Variants in SEMA6B observed in about 807,000 individuals in gnomAD.
The protein encoded by SEMA6B is semaphorin 6B, also known as semaphorin-6B.
A neutral mutation model predicts 78.6 loss-of-function variants in SEMA6B; 47 were observed. That is an observed-to-expected ratio of 0.60 (90% CI 0.47 to 0.76). The LOEUF (loss-of-function observed/expected upper bound fraction) is 0.76. Ranked by LOEUF, SEMA6B falls within the 30% of genes least tolerant of loss-of-function variation. SEMA6B has a pLI of 0.00. For synonymous variants in SEMA6B, 632 were observed against 592.2 expected, an observed-to-expected ratio of 1.07 and a Z score of -0.98; for missense variants, 1,213 against 1,269.9, an observed-to-expected ratio of 0.96 and a Z score of 0.68.
rs1042020431 is a variant in SEMA6B, at chr19:4,558,883, G to A, written c.-32-394C>T. On this transcript the variant is annotated intron_variant, in intron 1 of 16. Transcript: ENST00000586582. The surrounding 1 kb of genome is among the most constrained non-coding windows in gnomAD (Gnocchi z 5.1). Reference sequence around the variant, plus strand: ...AAGGCTAAAAAAAAAAAGAGTCAAAGGCTCTTGGAATTTTATAAGCCACAA... The same window carrying A: ...AAGGCTAAAAAAAAAAAGAGTCAAAAGCTCTTGGAATTTTATAAGCCACAA... Among the ~76,000 whole-genome samples, 1 of 151,410 alleles carries A rather than the reference G, an allele frequency of 6.6e-6. No individual in the cohort carries two copies. The highest frequency in any genetic ancestry group is 1.5e-5 in the Non-Finnish European group (1 of 67,898).
In SEMA6B at chr19:4,543,059, C is replaced by CCACAGCAGCCTTCGCTGGCACGCA. The variant is rs1162020293; in HGVS notation, c.*518_*541dup. On this transcript the variant is annotated 3_prime_UTR_variant, in exon 17 of 17. Coordinates refer to ENST00000586582, the MANE Select transcript of SEMA6B (RefSeq NM_032108.4). Reference sequence around the variant, plus strand: ...CGCGTGGCCCACTTGACACACACGCCCACAGCAGCCTTCGCTGGCACGCAC... The same window carrying CCACAGCAGCCTTCGCTGGCACGCA: ...CGCGTGGCCCACTTGACACACACGCCCACAGCAGCCTTCGCTGGCACGCACACAGCAGCCTTCGCTGGCACGCAC... The CCACAGCAGCCTTCGCTGGCACGCA allele has an allele frequency of 6.1e-6, 4 of 652,462 alleles. No individual in the cohort carries two copies. The highest frequency in any genetic ancestry group is 1.1e-5 in the Non-Finnish European group (4 of 357,732). 40.4% of individuals were successfully genotyped at this position (652,462 alleles called of 1,614,324 possible).
chr19:4,549,548 G>T (rs1568254460), intron 12 of SEMA6B, among the ~76,000 whole-genome samples: 1 of 152,060 alleles, frequency 6.6e-6, no homozygotes, highest in Non-Finnish European at 1.5e-5. Context: ...GCGTGATCTT[G>T]GCTCACTGCA....
chr19:4,552,250 T>A lies in SEMA6B; in HGVS notation c.989+172A>T, dbSNP rs955776801. ...TTGGCCCAGTTCTGACCAAAGGGAC[T>A]TAGAGGGTCAGTGTCAGCTTGTCCC... On this transcript the variant is annotated intron_variant, in intron 10 of 16. Coordinates refer to ENST00000586582, the MANE Select transcript of SEMA6B (RefSeq NM_032108.4). This position sits in a 1 kb window ranked among gnomAD's most constrained non-coding sequence, Gnocchi z 7.4. 2.6e-5 allele frequency among the ~76,000 whole-genome samples: 4 copies of A among 152,166 alleles called. No homozygotes were observed.
In SEMA6B at chr19:4,558,039, A is replaced by T. The variant is rs1977519127; in HGVS notation, c.232T>A (p.Phe78Ile). The change falls in exon 3 of 17, where the codon TTC becomes ATC. Residue 78 changes from phenylalanine (F) to isoleucine (I), a missense_variant. By Grantham distance (21) the Phe-to-Ile change is conservative. Coordinates refer to ENST00000586582, the MANE Select transcript of SEMA6B (RefSeq NM_032108.4). This position sits in a 1 kb window ranked among gnomAD's most constrained non-coding sequence, Gnocchi z 5.1. ...QRVLRVNRTL[F>I]IGDRDNLYRV... ...CCCCAGCAATACCTGTCCCCAATGA[A>T]CAGCGTCCTGTTGACCCGCAGGACT... The T allele has an allele frequency of 6.8e-7, 1 of 1,475,108 alleles. No homozygotes were observed. Among genetic ancestry groups the T allele is most frequent in the African/African-American group, 1.4e-5 (1 of 69,992 alleles). The allele number at this position is 1,475,108 out of a possible 1,614,324, so 91.4% of individuals were successfully genotyped here.
At position 4,550,723 on chromosome 19, in the gene SEMA6B, C is replaced by G. The variant is rs1977306238; in HGVS notation, c.1121+76G>C. The stretch of plus-strand genomic sequence containing the variant: ...AACTCAGCATCAGCTAAATAACCAC[C>G]CGGAAGCCCCAGCCCTCGGCCCTGG... On this transcript the variant is annotated intron_variant, in intron 11 of 16. Transcript: ENST00000586582. The surrounding 1 kb of genome is among the most constrained non-coding windows in gnomAD (Gnocchi z 6.6). 1.3e-6 allele frequency: 2 copies of G among 1,556,004 alleles called. No homozygotes were observed. Among genetic ancestry groups the G allele is most frequent in the East Asian group, 4.5e-5 (2 of 44,378 alleles).
chr19:4,555,694 T>A lies in SEMA6B; in HGVS notation c.472-130A>T. 2 of 775,164 alleles carry A rather than the reference T, an allele frequency of 2.6e-6. No individual in the cohort carries two copies. The highest frequency in any genetic ancestry group is 4.3e-6 in the Non-Finnish European group (2 of 466,452). 48.0% of individuals were successfully genotyped at this position (775,164 alleles called of 1,614,324 possible). Reference sequence around the variant, plus strand: ...TACTGTGTGACCTTGGCCACTCACTTAACCTCTCAGGGCCTCAGTTTACTG... The same window carrying A: ...TACTGTGTGACCTTGGCCACTCACTAAACCTCTCAGGGCCTCAGTTTACTG... On this transcript the variant is annotated intron_variant, in intron 6 of 16. Transcript: ENST00000586582. This position sits in a 1 kb window ranked among gnomAD's most constrained non-coding sequence, Gnocchi z 6.1.
chr19:4,544,643 AT>A lies in SEMA6B; in HGVS notation c.1739-115del. ...TTATTATTTTTATTTTTTTTTATTT[AT>A]TTATTTTTTGAGAAGGAGTCTTCCT... On this transcript the variant is annotated intron_variant, in intron 16 of 16. Coordinates refer to ENST00000586582, the MANE Select transcript of SEMA6B (RefSeq NM_032108.4). The surrounding 1 kb of genome is among the most constrained non-coding windows in gnomAD (Gnocchi z 5.1). 1 of 573,808 alleles carries A rather than the reference AT, an allele frequency of 1.7e-6. No individual in the cohort carries two copies. The highest frequency in any genetic ancestry group is 2.6e-6 in the Non-Finnish European group (1 of 385,036). The allele number at this position is 573,808 out of a possible 1,614,324, so 35.5% of individuals were successfully genotyped here.
rs1265377901 is a variant in SEMA6B at position 4,542,658 on chromosome 19, G to GGACC, written c.*939_*942dup. 8 of 606,848 alleles carry GGACC rather than the reference G, an allele frequency of 1.3e-5. No individual in the cohort carries two copies. Among genetic ancestry groups the GGACC allele is most frequent in the Middle Eastern group, 4.2e-4 (1 of 2,372 alleles). The allele number at this position is 606,848 out of a possible 1,614,324, so 37.6% of individuals were successfully genotyped here. On this transcript the variant is annotated 3_prime_UTR_variant, in exon 17 of 17. Coordinates refer to ENST00000586582, the MANE Select transcript of SEMA6B (RefSeq NM_032108.4). ...GGAGGCAAACTCCAGAGAGGGCAGAGGACCCAGCCAGCCACGTGGCATGCA... is the reference window on the plus strand; with the variant it reads ...GGAGGCAAACTCCAGAGAGGGCAGAGGACCGACCCAGCCAGCCACGTGGCATGCA...
Position 4,544,373 on chromosome 19 carries a change from C to A in SEMA6B, c.1895G>T (p.Arg632Leu), listed in dbSNP as rs1343056239. 3 of 1,584,486 alleles carry A rather than the reference C, an allele frequency of 1.9e-6. No homozygotes were observed. Among genetic ancestry groups the A allele is most frequent in the Admixed American group, 1.7e-5 (1 of 57,530 alleles). ...CAGGATGGCCTCCTTGTCCTTGCGC[C>A]GGGCCAGCTCCCGCCGCTCACGGAG... The part of the protein sequence containing the change: ...VGLRERRELA[R>L]RKDKEAILAH... The change falls in exon 17 of 17, where the codon CGG (arginine) becomes CTG (leucine). Residue 632 changes from arginine to leucine, a missense_variant. Arg to Leu is a moderately radical substitution (Grantham distance 102). Transcript: ENST00000586582. The surrounding 1 kb of genome is among the most constrained non-coding windows in gnomAD (Gnocchi z 5.1).
chr19:4,545,340 C>A (rs868100206), intron 16 of SEMA6B, among the ~76,000 whole-genome samples: 344 of 113,680 alleles, frequency 3.0e-3, no homozygotes, highest in South Asian at 3.0e-3. Flanking sequence ...GACTCTGTCT[C>A]AAAAAAAAAA....
intron 14 of SEMA6B, 98 bp downstream of exon 14, chr19:4,547,929 C>T (rs1977211724): frequency 1.4e-6 from 2 of 1,380,282 alleles, no homozygotes; most frequent in Non-Finnish European, 1.9e-6. Context: ...GCTCAATGAC[C>T]AGGACATCAT....
Position 4,552,466 on chromosome 19 carries a change from C to T in SEMA6B, c.945G>A (p.Gly315=). Residue 315 remains glycine, a synonymous_variant, in exon 10 of 17, where the codon GGG becomes GGA. Transcript: ENST00000586582. This position sits in a 1 kb window ranked among gnomAD's most constrained non-coding sequence, Gnocchi z 7.4. ...LQAVTGVVSL[G]GRPVVLAVFS... ...AAACGGCCAGGACCACGGGCCGGCC[C>T]CCGAGGCTGACCACGCCCGTGACAG... 1 of 1,607,710 alleles carries T rather than the reference C, an allele frequency of 6.2e-7. No individual in the cohort carries two copies. The highest frequency in any genetic ancestry group is 8.5e-7 in the Non-Finnish European group (1 of 1,177,754).
At chr19:4,553,737 TGGGTGGGTGG>T (rs1977397283) in intron 9 of SEMA6B, among the ~76,000 whole-genome samples, 1 of 13,242 alleles carries the variant, frequency 7.6e-5, no homozygotes, top group Non-Finnish European at 1.5e-4. Context: ...GATGGGTGGG[TGGGTGGGTGG>T]GTGTGTTGGT....
rs1977438671 is a variant in SEMA6B at position 4,555,331 on chromosome 19, AC to A, written c.562+142del. The A allele has an allele frequency of 4.8e-6, 4 of 841,270 alleles. No homozygotes were observed. In the East Asian group the frequency reaches 1.1e-4, roughly 22 times the overall value. The allele number at this position is 841,270 out of a possible 1,614,324, so 52.1% of individuals were successfully genotyped here. ...AGCCTCAATCCCAGCTGAGCCCCAA[AC>A]CTGGGCTGAGAGTCTGCCCATGTCA... On this transcript the variant is annotated intron_variant, in intron 7 of 16. Coordinates refer to ENST00000586582, the MANE Select transcript of SEMA6B (RefSeq NM_032108.4). This position sits in a 1 kb window ranked among gnomAD's most constrained non-coding sequence, Gnocchi z 6.1.
Position 4,544,110 on chromosome 19 carries a change from G to A in SEMA6B, c.2158C>T (p.Leu720=), listed in dbSNP as rs1005207959. The A allele has an allele frequency of 3.1e-6, 4 of 1,273,028 alleles. No homozygotes were observed. The highest frequency in any genetic ancestry group is 4.0e-6 in the Non-Finnish European group (4 of 1,010,974). The allele number at this position is 1,273,028 out of a possible 1,614,324, so 78.9% of individuals were successfully genotyped here. ...TGGGGGTGCGGGTGCGGAGTGGGCAGGCGCTTCTGCGGCAGCGGCGTCTGC... is the reference window on the plus strand; with the variant it reads ...TGGGGGTGCGGGTGCGGAGTGGGCAAGCGCTTCTGCGGCAGCGGCGTCTGC... The part of the protein sequence containing the change: ...PEQTPLPQKR[L]PTPHPHPHAL... The change falls in exon 17 of 17, where the codon CTG becomes TTG. Residue 720 remains leucine (L), a synonymous_variant. Coordinates refer to ENST00000586582, the MANE Select transcript of SEMA6B (RefSeq NM_032108.4). This position sits in a 1 kb window ranked among gnomAD's most constrained non-coding sequence, Gnocchi z 5.1.
chr19:4,545,377 C>A (rs1977138521), intron 16 of SEMA6B, among the ~76,000 whole-genome samples: 1 of 151,344 alleles, frequency 6.6e-6, no homozygotes. Flanking sequence ...CACTCTGTTG[C>A]CCAAGCTGGA....
Position 4,552,642 on chromosome 19 carries a change from G to T in SEMA6B, c.772-3C>A. The stretch of plus-strand genomic sequence containing the variant: ...CGGGCCACGCGGGACACCACCACCT[G>T]GGCGTGACAGTGGACGGACGGGGGC... On this transcript the variant is annotated splice_region_variant and splice_polypyrimidine_tract_variant and intron_variant, in intron 9 of 16. Coordinates refer to ENST00000586582, the MANE Select transcript of SEMA6B (RefSeq NM_032108.4). The surrounding 1 kb of genome is among the most constrained non-coding windows in gnomAD (Gnocchi z 7.4). 1 of 1,598,166 alleles carries T rather than the reference G, an allele frequency of 6.3e-7. No homozygotes were observed. The highest frequency in any genetic ancestry group is 1.3e-5 in the African/African-American group (1 of 74,870).
At chr19:4,556,770 G>A (rs1228820678) in intron 5 of SEMA6B, among the ~76,000 whole-genome samples, 181 bp downstream of exon 5, 2 of 149,720 alleles carry the variant, frequency 1.3e-5, no homozygotes, top group African/African-American at 4.9e-5. Flanking sequence ...ACGTGGACGT[G>A]GCCATGGCTG....
intron 5 of SEMA6B, 147 bp downstream of exon 5, chr19:4,556,804 C>A (rs62115778): frequency 0.24 from 161,181 of 661,622 alleles, 19,398 homozygotes; most frequent in Admixed American, 0.26. Flanking sequence ...CCAGGGCTGG[C>A]AGTTGGGCGG....
Sources: gnomAD v4.1 joint callset for allele counts (sites outside exome capture counted in the v4.1 genomes callset) on GRCh38, gnomAD v4.1.1 for gene constraint, Gnocchi (gnomAD v3.1) non-coding constraint, MANE v1.5 for transcripts, NCBI Gene and HGNC (gene_info 2026-07-23, HGNC 2026-07-21) for gene names.